POTEC: variants seen among roughly 807,000 people sequenced by gnomAD.
POTEC encodes POTE ankyrin domain family member C, also known as ANKRD26-like family B member 2.
A neutral mutation model predicts 62.0 loss-of-function variants in POTEC; 35 were observed. The observed-to-expected ratio is 0.56, with a 90% CI of 0.43 to 0.75. The LOEUF (loss-of-function observed/expected upper bound fraction) is 0.75. Among genes scored for constraint, POTEC ranks in the 30% least tolerant of loss-of-function variants. POTEC has a pLI of 0.00. For synonymous variants in POTEC, 156 were observed against 221.5 expected (o/e 0.70, Z 2.62); for missense variants, 472 against 655.9 (o/e 0.72, Z 3.06).
At chr18:14,529,012 C>A (rs1451133031) in intron 6 of POTEC, 2 of 454,472 alleles carry the variant, frequency 4.4e-6, no homozygotes, top group South Asian at 3.1e-5. Context: ...GTTGCATGTT[C>A]CTTCTGCCAA....
chr18:14,530,246 A>G (rs1486164052), intron 6 of POTEC, among the ~76,000 whole-genome samples: 5 of 152,012 alleles, frequency 3.3e-5, no homozygotes, highest in African/African-American at 1.2e-4. Flanking sequence ...TTGCAGAAAA[A>G]TAAGCTCAGA....
intron 9 of POTEC, among the ~76,000 whole-genome samples, chr18:14,521,407 A>G (rs549916635): frequency 6.6e-6 from 1 of 152,344 alleles, no homozygotes; most frequent in East Asian, 1.9e-4. Context: ...AAATGGTTGC[A>G]TACTGCATTA....
intron 6 of POTEC, among the ~76,000 whole-genome samples, chr18:14,529,847 T>C (rs561599192): frequency 0.038 from 5,708 of 152,082 alleles, 385 homozygotes; most frequent in African/African-American, 0.13. Context: ...ATATGTAACA[T>C]GACTTGTGCT....
chr18:14,525,241 T>A (rs531886085), intron 6 of POTEC, among the ~76,000 whole-genome samples: 6 of 152,130 alleles, frequency 3.9e-5, no homozygotes, highest in African/African-American at 1.4e-4. Context: ...AACTTTAAAA[T>A]ACAGTAGAAA....
intron 9 of POTEC, among the ~76,000 whole-genome samples, chr18:14,518,458 TG>T (rs1450145828): frequency 6.6e-6 from 1 of 151,790 alleles, no homozygotes; most frequent in Non-Finnish European, 1.5e-5. Context: ...TAAGAAATGA[TG>T]ACATAAGGTT....
At chr18:14,536,468 A>G (rs1486163942) in intron 3 of POTEC, among the ~76,000 whole-genome samples, 2 of 152,024 alleles carry the variant, frequency 1.3e-5, no homozygotes, top group Admixed American at 6.6e-5. Context: ...CCTAAGCTCA[A>G]GCAATCCTCC....
chr18:14,537,277 G>A (rs1382313748), intron 3 of POTEC, among the ~76,000 whole-genome samples: 1 of 143,420 alleles, frequency 7.0e-6, no homozygotes, highest in African/African-American at 2.6e-5. Context: ...TTTCCAAGTT[G>A]GCCTTGATAT....
At chr18:14,527,363 T>C (rs1910464925) in intron 6 of POTEC, among the ~76,000 whole-genome samples, 1 of 152,096 alleles carries the variant, frequency 6.6e-6, no homozygotes, top group African/African-American at 2.4e-5. Flanking sequence ...ACAAAGCACA[T>C]TTTGCAGAAA....
chr18:14,541,719 A>G, intron 1 of POTEC, among the ~76,000 whole-genome samples: 1 of 152,006 alleles, frequency 6.6e-6, no homozygotes, highest in Non-Finnish European at 1.5e-5. Flanking sequence ...TATCTTTAAA[A>G]TTTTTAATCT....
intron 1 of POTEC, among the ~76,000 whole-genome samples, chr18:14,538,827 T>A (rs1905837460): frequency 6.6e-6 from 1 of 152,232 alleles, no homozygotes; most frequent in South Asian, 2.1e-4. Flanking sequence ...TTAACATTTC[T>A]TACACGGAAA....
intron 3 of POTEC, among the ~76,000 whole-genome samples, chr18:14,537,201 ACACACAC>A (rs1567915440): frequency 5.5e-5 from 5 of 91,412 alleles, no homozygotes; most frequent in Admixed American, 1.1e-4. Context: ...ACACACACAC[ACACACAC>A]ACAAAAAAAA....
rs189969447 is a variant in POTEC at position 14,542,243 on chromosome 18, T to C, written c.521+383A>G. ...TATAAAATCCATATTGGATTTTATTTGAAAAATATTTAGCCCAGAAGTTGA... is the reference window on the plus strand; with the variant it reads ...TATAAAATCCATATTGGATTTTATTCGAAAAATATTTAGCCCAGAAGTTGA... On this transcript the variant is annotated intron_variant, in intron 1 of 10. Coordinates refer to ENST00000358970, the MANE Select transcript of POTEC (RefSeq NM_001137671.2). 4.3e-3 allele frequency among the ~76,000 whole-genome samples: 652 copies of C among 152,330 alleles called. 6 individuals carry two copies. Among genetic ancestry groups the C allele is most frequent in the Non-Finnish European group, 7.2e-3 (493 of 68,030 alleles).
intron 6 of POTEC, chr18:14,529,089 C>G (rs749000199): frequency 2.3e-6 from 1 of 443,884 alleles, no homozygotes; most frequent in South Asian, 1.6e-5. Context: ...TTGAATCATA[C>G]CTACTTTTTT....
intron 9 of POTEC, among the ~76,000 whole-genome samples, chr18:14,517,145 C>A (rs1026930830): frequency 2.7e-5 from 4 of 150,470 alleles, no homozygotes; most frequent in African/African-American, 9.8e-5. Flanking sequence ...TTCACCTTGA[C>A]CAAAATTTTA....
At chr18:14,526,114 G>A (rs1406327539) in intron 6 of POTEC, among the ~76,000 whole-genome samples, 11 of 151,838 alleles carry the variant, frequency 7.2e-5, no homozygotes, top group Admixed American at 5.9e-4. Flanking sequence ...TGGCCAGGAT[G>A]GTCCTGATCT....
rs1308067956 is a variant in POTEC, at chr18:14,516,335, T to TATATAC, written c.1410-2551_1410-2550insGTATAT. The stretch of plus-strand genomic sequence containing the variant: ...ATATATATATATATATATATATATA[T>TATATAC]ACCTATACCTGAGACTGGGTAATTC... On this transcript the variant is annotated intron_variant, in intron 9 of 10. Coordinates refer to ENST00000358970, the MANE Select transcript of POTEC (RefSeq NM_001137671.2). Among the ~76,000 whole-genome samples the TATATAC allele has an allele frequency of 1.1e-4, 8 of 69,948 alleles. 2 individuals are homozygous for TATATAC. The highest frequency in any genetic ancestry group is 1.6e-4 in the Non-Finnish European group (6 of 37,534). The allele number at this position is 69,948 out of a possible 152,430, so 45.9% of individuals were successfully genotyped here.
intron 6 of POTEC, chr18:14,528,929 C>T (rs71219739): frequency 2.2e-6 from 1 of 454,306 alleles, no homozygotes; most frequent in Non-Finnish European, 4.4e-6. Context: ...CAGCATCTTG[C>T]GTTTTGCACT....
rs367762014 is a variant in POTEC at position 14,543,092 on chromosome 18, C to T, written c.55G>A (p.Asp19Asn). The T allele has an allele frequency of 2.5e-6, 4 of 1,613,840 alleles. No homozygotes were observed. Among genetic ancestry groups the T allele is most frequent in the Non-Finnish European group, 3.4e-6 (4 of 1,179,896 alleles). Residue 19 changes from aspartate to asparagine, a missense_variant, in exon 1 of 11, where the codon GAT becomes AAT. By Grantham distance (23) the Asp-to-Asn change is conservative (BLOSUM62 1). This residue lies in a region of POTEC where 257 missense variants were observed against 250.7 expected (regional missense o/e 1.03). Coordinates refer to ENST00000358970, the MANE Select transcript of POTEC (RefSeq NM_001137671.2). The part of the protein sequence containing the change: ...PAASAVKKPF[D>N]LRSKMGKWFH... ...CACTTGCCCATCTTGCTCCTGAGAT[C>T]GAATGGCTTCTTCACAGCAGAGGCA...
intron 9 of POTEC, among the ~76,000 whole-genome samples, chr18:14,520,432 TA>T (rs1343555367): frequency 2.6e-5 from 4 of 151,852 alleles, no homozygotes; most frequent in Middle Eastern, 3.2e-3. Flanking sequence ...TCTTGCTTGA[TA>T]AAAATCAGCC....
Sources: allele counts gnomAD v4.1 joint callset (sites outside exome capture counted in the v4.1 genomes callset), GRCh38; gene constraint gnomAD v4.1.1; regional missense constraint gnomAD v4.1.1; transcripts MANE v1.5; gene names NCBI Gene and HGNC (gene_info 2026-07-23, HGNC 2026-07-21).